The following GRIK2 variants were observed in gnomAD, a reference collection of about 807,000 sequenced individuals.
GRIK2 encodes glutamate ionotropic receptor kainate type subunit 2.
In GRIK2, 32 loss-of-function variants were observed where a neutral mutation model predicts 100.3. The ratio of observed to expected loss-of-function variants is 0.32; its 90% confidence interval spans 0.24 to 0.43. The LOEUF is 0.43. Ranked by LOEUF, GRIK2 falls within the 20% of genes least tolerant of loss-of-function variation. GRIK2 has a pLI of 1.00. For synonymous variants in GRIK2, 417 were observed against 389.4 expected (o/e 1.07, Z -0.83); for missense variants, 843 against 1,114.9 (o/e 0.76, Z 3.47).
At chr6:101,743,069 CA>C (rs1013516261) in intron 7 of GRIK2, among the ~76,000 whole-genome samples, 1 of 152,130 alleles carries the variant, frequency 6.6e-6, no homozygotes, top group African/African-American at 2.4e-5. Flanking sequence ...ATCATGTTTA[CA>C]AAATGGTATT....
In GRIK2 at chr6:101,955,617, C is replaced by CTCTCTCTCTCTCTCT. The variant is rs1376723314; in HGVS notation, c.2085+26985_2085+26986insTCTCTCTCTCTCTCT. On this transcript the variant is annotated intron_variant, in intron 14 of 16. Coordinates refer to ENST00000369134, the MANE Select transcript of GRIK2 (RefSeq NM_021956.5). Reference sequence around the variant, plus strand: ...CTCTCTCTCTCTCTCTCTCTCTCTCCCCCCCATTTCTTTTACAGTCAGATT... The same window carrying CTCTCTCTCTCTCTCT: ...CTCTCTCTCTCTCTCTCTCTCTCTCCTCTCTCTCTCTCTCTCCCCCATTTCTTTTACAGTCAGATT... Among the ~76,000 whole-genome samples, 235 of 116,414 alleles carry CTCTCTCTCTCTCTCT rather than the reference C, an allele frequency of 2.0e-3. 15 individuals are homozygous for CTCTCTCTCTCTCTCT. Among genetic ancestry groups the CTCTCTCTCTCTCTCT allele is most frequent in the Middle Eastern group, 0.014 (3 of 208 alleles). 76.4% of individuals were successfully genotyped at this position (116,414 alleles called of 152,430 possible). A position where few individuals can be genotyped will look rare whatever the true frequency, so the allele number is the denominator to read the frequency against.
chr6:101,809,578 T>G (rs1781203692), intron 9 of GRIK2, among the ~76,000 whole-genome samples: 1 of 152,044 alleles, frequency 6.6e-6, no homozygotes, highest in East Asian at 1.9e-4. Flanking sequence ...ATTTGATACA[T>G]ATACCCAGTG....
At chr6:101,673,444 T>C (rs1770586854) in intron 4 of GRIK2, among the ~76,000 whole-genome samples, 1 of 152,168 alleles carries the variant, frequency 6.6e-6, no homozygotes. Flanking sequence ...TCACAGCTCT[T>C]AGGTTAAAGC....
chr6:101,868,365 A>G (rs1006179659), intron 11 of GRIK2, among the ~76,000 whole-genome samples: 1 of 151,834 alleles, frequency 6.6e-6, no homozygotes, highest in Non-Finnish European at 1.5e-5. Flanking sequence ...AAGCATGTCC[A>G]AAATCTAGTA....
intron 4 of GRIK2, among the ~76,000 whole-genome samples, chr6:101,676,165 C>T (rs530290403): frequency 5.3e-4 from 80 of 152,046 alleles, no homozygotes; most frequent in Non-Finnish European, 6.9e-4. Context: ...ACGCACAGAA[C>T]GTGTTATGGA....
intron 2 of GRIK2, among the ~76,000 whole-genome samples, chr6:101,552,259 A>G (rs893562525): frequency 2.0e-5 from 3 of 152,186 alleles, no homozygotes; most frequent in Non-Finnish European, 2.9e-5. Context: ...AGAATTATAC[A>G]GAAATTCCCT....
At chr6:101,810,137 G>T (rs1212348513) in intron 9 of GRIK2, among the ~76,000 whole-genome samples, 1 of 151,292 alleles carries the variant, frequency 6.6e-6, no homozygotes, top group Admixed American at 6.6e-5. Flanking sequence ...TGATTGATTT[G>T]ATTTCAAATC....
At chr6:101,682,916 A>G (rs1489428450) in intron 6 of GRIK2, among the ~76,000 whole-genome samples, 1 of 152,192 alleles carries the variant, frequency 6.6e-6, no homozygotes. Flanking sequence ...AGAAAAGCGC[A>G]AATTCAGCCG....
intron 10 of GRIK2, among the ~76,000 whole-genome samples, chr6:101,843,640 C>T (rs1783643241): frequency 1.3e-5 from 2 of 152,244 alleles, no homozygotes; most frequent in South Asian, 4.1e-4. Context: ...GCACAGGTCA[C>T]GTCCCCATGA....
rs188634309 is a variant in GRIK2 at position 102,060,091 on chromosome 6, A to T, written c.2562+4511A>T. Among the ~76,000 whole-genome samples, 288 of 150,896 alleles carry T rather than the reference A, an allele frequency of 1.9e-3. 1 individual carries two copies. Among genetic ancestry groups the T allele is most frequent in the Admixed American group, 2.8e-3 (42 of 15,078 alleles). On this transcript the variant is annotated intron_variant, in intron 16 of 16. Coordinates refer to ENST00000369134, the MANE Select transcript of GRIK2 (RefSeq NM_021956.5). ...AACACACATTTTTGTTGTCTTTAAAATGGTTAAAATGTATTTTTAAATCTA... is the reference window on the plus strand; with the variant it reads ...AACACACATTTTTGTTGTCTTTAAATTGGTTAAAATGTATTTTTAAATCTA...
At chr6:101,595,917 C>T (rs1164674828) in intron 2 of GRIK2, among the ~76,000 whole-genome samples, 1 of 150,040 alleles carries the variant, frequency 6.7e-6, no homozygotes, top group Non-Finnish European at 1.5e-5. Context: ...CTTTTATTTA[C>T]CTCTGCCCCG....
chr6:101,398,105 G>C (rs990343251), intron 1 of GRIK2, among the ~76,000 whole-genome samples: 2 of 152,066 alleles, frequency 1.3e-5, no homozygotes, highest in Admixed American at 6.5e-5. Flanking sequence ...TGATAAGACA[G>C]TTTTAGAGGA....
chr6:101,997,652 A>G (rs1327584857), intron 14 of GRIK2, among the ~76,000 whole-genome samples: 1 of 152,050 alleles, frequency 6.6e-6, no homozygotes, highest in Non-Finnish European at 1.5e-5. Flanking sequence ...GTGCCAGTTA[A>G]TGTGTCAAAG....
At chr6:101,853,681 C>G (rs1784264927) in intron 10 of GRIK2, among the ~76,000 whole-genome samples, 1 of 152,140 alleles carries the variant, frequency 6.6e-6, no homozygotes, top group African/African-American at 2.4e-5. Flanking sequence ...GACTTGGAAG[C>G]CACCAAAATT....
intron 7 of GRIK2, among the ~76,000 whole-genome samples, chr6:101,730,017 T>C (rs1352162582): frequency 6.6e-6 from 1 of 151,954 alleles, no homozygotes; most frequent in Non-Finnish European, 1.5e-5. Flanking sequence ...GTTTTTTAGA[T>C]CTATAAATTT....
Position 101,582,252 on chromosome 6 carries a change from G to A in GRIK2, c.116-39697G>A, listed in dbSNP as rs139845556. ...ACTCCCCAACAGGCCAACAGGCCCC[G>A]GTATGTTCCCCTCCTTGTGTCCACG... On this transcript the variant is annotated intron_variant, in intron 2 of 16. Coordinates refer to ENST00000369134, the MANE Select transcript of GRIK2 (RefSeq NM_021956.5). Among the ~76,000 whole-genome samples, 5 of 151,750 alleles carry A rather than the reference G, an allele frequency of 3.3e-5. No homozygotes were observed. In the South Asian group the frequency reaches 6.2e-4, roughly 19 times the overall value.
intron 2 of GRIK2, among the ~76,000 whole-genome samples, chr6:101,605,702 C>T (rs1416665567): frequency 1.3e-5 from 2 of 151,828 alleles, no homozygotes; most frequent in Non-Finnish European, 2.9e-5. Flanking sequence ...AACAAAAACA[C>T]TTTAACTACA....
chr6:101,679,465 C>G (rs988926658), intron 5 of GRIK2, among the ~76,000 whole-genome samples: 1 of 152,010 alleles, frequency 6.6e-6, no homozygotes, highest in Non-Finnish European at 1.5e-5. Context: ...GATATGACAA[C>G]CGCTTTTATG....
intron 10 of GRIK2, among the ~76,000 whole-genome samples, chr6:101,822,773 G>A (rs558935362): frequency 6.6e-6 from 1 of 151,948 alleles, no homozygotes; most frequent in Admixed American, 6.5e-5. Flanking sequence ...GAAAGCTGAT[G>A]TTTATACAGC....
Sources: allele counts gnomAD v4.1 joint callset (sites outside exome capture counted in the v4.1 genomes callset), GRCh38; gene constraint gnomAD v4.1.1; transcripts MANE v1.5; gene names NCBI Gene and HGNC (gene_info 2026-07-23, HGNC 2026-07-21).